The following PTPRN2 variants were observed in gnomAD, a reference collection of about 807,000 sequenced individuals.
PTPRN2 encodes receptor-type tyrosine-protein phosphatase N2.
A neutral mutation model predicts 118.8 loss-of-function variants in PTPRN2; 74 were observed. That is an observed-to-expected ratio of 0.62 (90% CI 0.52 to 0.76). PTPRN2 has a LOEUF of 0.76. PTPRN2 is among the 30% of genes least tolerant of loss of function. PTPRN2 has a pLI of 0.00. For missense variants in PTPRN2, 1,481 were observed against 1,394.4 expected, an observed-to-expected ratio of 1.06 and a Z score of -0.99; for synonymous variants, 641 against 608.0, an observed-to-expected ratio of 1.05 and a Z score of -0.80.
At chr7:158,460,767 G>A (rs1267429283) in intron 2 of PTPRN2, among the ~76,000 whole-genome samples, 3 of 152,230 alleles carry the variant, frequency 2.0e-5, no homozygotes, top group Admixed American at 6.5e-5. Flanking sequence ...CTCAACCATC[G>A]TTCATGATCG....
chr7:158,273,518 AT>A (rs1402161112), intron 3 of PTPRN2, among the ~76,000 whole-genome samples: 529 of 46,964 alleles, frequency 0.011, 66 homozygotes, highest in Middle Eastern at 0.015. Context: ...GCAGACAGAC[AT>A]GGGAGGAGCC....
chr7:158,306,875 T>G (rs1355559642), intron 3 of PTPRN2, among the ~76,000 whole-genome samples: 12 of 148,536 alleles, frequency 8.1e-5, no homozygotes, highest in African/African-American at 3.0e-4. Context: ...TTTTTTTTTT[T>G]TTTTTTTTTT....
At chr7:158,056,776 G>C (rs1411979224) in intron 11 of PTPRN2, among the ~76,000 whole-genome samples, 8 of 152,212 alleles carry the variant, frequency 5.3e-5, no homozygotes, top group Non-Finnish European at 7.3e-5. Flanking sequence ...CTCCCTGGCA[G>C]TGCCTCTCAT....
At chr7:158,278,910 T>G (rs992621231) in intron 3 of PTPRN2, among the ~76,000 whole-genome samples, 1 of 152,128 alleles carries the variant, frequency 6.6e-6, no homozygotes, top group African/African-American at 2.4e-5. Flanking sequence ...TTACAGCTCA[T>G]AAAGGTAGCA....
intron 2 of PTPRN2, among the ~76,000 whole-genome samples, chr7:158,324,673 C>T (rs1162149383): frequency 6.9e-6 from 1 of 145,730 alleles, no homozygotes; most frequent in Non-Finnish European, 1.5e-5. Context: ...CCTAGTGGAC[C>T]TCTGTTCTTC....
intron 2 of PTPRN2, among the ~76,000 whole-genome samples, chr7:158,328,359 G>T (rs572061287): frequency 6.6e-6 from 1 of 152,310 alleles, no homozygotes; most frequent in South Asian, 2.1e-4. Flanking sequence ...AGCTTAGTTC[G>T]TAATGAAACC....
chr7:158,392,440 A>G (rs1225564408), intron 2 of PTPRN2, among the ~76,000 whole-genome samples: 1 of 152,116 alleles, frequency 6.6e-6, no homozygotes, highest in East Asian at 1.9e-4. Flanking sequence ...TCTGCTGCAC[A>G]CCCAGCGTTG....
chr7:158,337,733 ACAACCACAC>A (rs1234895622), intron 2 of PTPRN2, among the ~76,000 whole-genome samples: 5 of 135,134 alleles, frequency 3.7e-5, no homozygotes, highest in African/African-American at 1.4e-4. Context: ...GACGTCACTC[ACAACCACAC>A]TCTCACCATA....
At chr7:157,888,921 T>C (rs1175681302) in intron 12 of PTPRN2, among the ~76,000 whole-genome samples, 1 of 152,204 alleles carries the variant, frequency 6.6e-6, no homozygotes. Flanking sequence ...ATCAATCTCC[T>C]GGTTTTGCCA....
chr7:157,960,843 C>T (rs1336384304), intron 11 of PTPRN2, among the ~76,000 whole-genome samples: 1 of 152,050 alleles, frequency 6.6e-6, no homozygotes, highest in Non-Finnish European at 1.5e-5. Flanking sequence ...CCCGTCTCTA[C>T]TAAAAATACA....
In PTPRN2 at chr7:158,386,693, A is replaced by G. The variant is rs149270796; in HGVS notation, c.164-69761T>C. 4.6e-3 allele frequency among the ~76,000 whole-genome samples: 695 copies of G among 152,248 alleles called. 3 individuals are homozygous for G. Among genetic ancestry groups the G allele is most frequent in the Non-Finnish European group, 7.7e-3 (523 of 68,016 alleles). Reference sequence around the variant, plus strand: ...TCAATCCCCAATCTTATCCACCATCACCAAATGTAGATGTACAACCTACCA... The same window carrying G: ...TCAATCCCCAATCTTATCCACCATCGCCAAATGTAGATGTACAACCTACCA... On this transcript the variant is annotated intron_variant, in intron 2 of 22. Coordinates refer to ENST00000389418, the MANE Select transcript of PTPRN2 (RefSeq NM_002847.5).
intron 6 of PTPRN2, among the ~76,000 whole-genome samples, chr7:158,142,995 G>A (rs974329912): frequency 1.3e-5 from 2 of 152,176 alleles, no homozygotes; most frequent in African/African-American, 4.8e-5. Context: ...AATCAGAAGA[G>A]CCATCTCAGC....
At chr7:158,071,436 G>GTGGTGGAGGTGCTCA (rs1811605057) in intron 11 of PTPRN2, among the ~76,000 whole-genome samples, 3 of 36,204 alleles carry the variant, frequency 8.3e-5, no homozygotes, top group Non-Finnish European at 1.6e-4. Context: ...GGTGCTCGTG[G>GTGGTGGAGGTGCTCA]TGGTGGAGGT....
intron 14 of PTPRN2, among the ~76,000 whole-genome samples, chr7:157,637,874 A>C (rs1804417389): frequency 6.6e-6 from 1 of 152,212 alleles, no homozygotes; most frequent in Non-Finnish European, 1.5e-5. Context: ...TTTTCTGATG[A>C]AGTTTTTAGG....
chr7:158,245,849 G>A (rs1404558724), intron 3 of PTPRN2, among the ~76,000 whole-genome samples: 1 of 152,102 alleles, frequency 6.6e-6, no homozygotes, highest in Non-Finnish European at 1.5e-5. Context: ...CGGTGCCATG[G>A]TTATCCCTAT....
chr7:158,276,151 C>T (rs1018755114), intron 3 of PTPRN2, among the ~76,000 whole-genome samples: 1 of 152,018 alleles, frequency 6.6e-6, no homozygotes, highest in Non-Finnish European at 1.5e-5. Flanking sequence ...CCCAAGTGTT[C>T]GTCCCTTGTC....
chr7:158,463,946 A>G (rs1409691083), intron 2 of PTPRN2, among the ~76,000 whole-genome samples: 1 of 138,254 alleles, frequency 7.2e-6, no homozygotes, highest in East Asian at 2.3e-4. Context: ...TCACTTCATC[A>G]TCACCGTCAT....
intron 9 of PTPRN2, among the ~76,000 whole-genome samples, chr7:158,112,560 A>G (rs11973738): frequency 0.97 from 147,019 of 152,212 alleles, 71,056 homozygotes; most frequent in Middle Eastern, 0.98. Flanking sequence ...GTCCGCTGGC[A>G]CTGGGAAAAC....
rs114904051 is a variant in PTPRN2, at chr7:157,794,060, C to A, written c.1788+104613G>T. ...CACCTCGAGGGGCCCAGGACAAGCT[C>A]GGGGCCCAGGTGGCCGGGAGGGGGC... On this transcript the variant is annotated intron_variant, in intron 12 of 22. Coordinates refer to ENST00000389418, the MANE Select transcript of PTPRN2 (RefSeq NM_002847.5). This position sits in a 1 kb window ranked among gnomAD's most constrained non-coding sequence, Gnocchi z 5.2. Among the ~76,000 whole-genome samples, 117 of 152,146 alleles carry A rather than the reference C, an allele frequency of 7.7e-4. 2 individuals are homozygous for A. Among genetic ancestry groups the A allele is most frequent in the African/African-American group, 2.6e-3 (109 of 41,452 alleles).
Sources: allele counts gnomAD v4.1 joint callset (sites outside exome capture counted in the v4.1 genomes callset), GRCh38; gene constraint gnomAD v4.1.1; non-coding constraint Gnocchi (gnomAD v3.1); transcripts MANE v1.5; gene names NCBI Gene and HGNC (gene_info 2026-07-23, HGNC 2026-07-21).